DNAH7: variants seen among roughly 807,000 people sequenced by gnomAD.
The protein encoded by DNAH7 is dynein axonemal heavy chain 7, also known as axonemal beta dynein heavy chain 7.
A neutral mutation model predicts 444.6 loss-of-function variants in DNAH7; 397 were observed. That is an observed-to-expected ratio of 0.89 (90% confidence interval 0.82 to 0.97). The LOEUF is 0.97. DNAH7 is among the 50% of genes least tolerant of loss of function. The pLI is 0.00. For synonymous variants in DNAH7, 1,636 were observed against 1,624.4 expected, an observed-to-expected ratio of 1.01 and a Z score of -0.17; for missense variants, 4,902 against 4,800.8, an observed-to-expected ratio of 1.02 and a Z score of -0.62.
At chr2:195,871,078 C>T (rs1053868613) in intron 40 of DNAH7, among the ~76,000 whole-genome samples, 8 of 152,294 alleles carry the variant, frequency 5.3e-5, no homozygotes, top group African/African-American at 1.9e-4. Context: ...TCTACATCAT[C>T]CTTTCCAAAG....
chr2:195,865,275 C>T (rs988607730), intron 40 of DNAH7, among the ~76,000 whole-genome samples: 1 of 152,090 alleles, frequency 6.6e-6, no homozygotes, highest in Non-Finnish European at 1.5e-5. Context: ...GGAGCTGAAG[C>T]AGATGTAGAG....
rs756097042 is a variant in DNAH7, at chr2:195,858,680, T to C, written c.7861A>G (p.Lys2621Glu). The stretch of plus-strand genomic sequence containing the variant: ...ATTATCATCATTTCATCAACCTCTT[T>C]GCTAGCAACTTTTAATTGAGGATGT... ...ALHPQLKVASKEVDEMMIMIE... is the reference protein window; with the variant it reads ...ALHPQLKVASEEVDEMMIMIE... Residue 2621 changes from lysine to glutamate, a missense_variant, in exon 43 of 65, where the codon AAA (lysine) becomes GAA (glutamate). By Grantham distance (56) the Lys-to-Glu change is moderately conservative (BLOSUM62 1). Coordinates refer to ENST00000312428, the MANE Select transcript of DNAH7 (RefSeq NM_018897.3). The C allele has an allele frequency of 1.2e-6, 2 of 1,614,072 alleles. No individual in the cohort carries two copies. The highest frequency in any genetic ancestry group is 2.2e-5 in the South Asian group (2 of 91,084).
At chr2:195,928,254 C>G (rs533510084) in intron 21 of DNAH7, among the ~76,000 whole-genome samples, 1 of 152,220 alleles carries the variant, frequency 6.6e-6, no homozygotes, top group Admixed American at 6.5e-5. Context: ...GGACATGATT[C>G]CATTCTTTTT....
intron 27 of DNAH7, chr2:195,903,187 G>C (rs1258350131): frequency 6.6e-6 from 1 of 151,984 alleles, no homozygotes; most frequent in Non-Finnish European, 1.5e-5. Flanking sequence ...GGTACATAAG[G>C]AAATGTGTAT....
At chr2:195,989,267 G>T (rs1693138617) in intron 12 of DNAH7, among the ~76,000 whole-genome samples, 1 of 152,114 alleles carries the variant, frequency 6.6e-6, no homozygotes, top group Non-Finnish European at 1.5e-5. Context: ...CCTCCTTACT[G>T]TTTTCTATAT....
chr2:195,834,320 G>A lies in DNAH7; in HGVS notation c.8986C>T (p.Gln2996Ter). 2 of 1,604,206 alleles carry A rather than the reference G, an allele frequency of 1.2e-6. No homozygotes were observed. Among genetic ancestry groups the A allele is most frequent in the Non-Finnish European group, 8.5e-7 (1 of 1,172,336 alleles). The stretch of plus-strand genomic sequence containing the variant: ...ATGTTCTTGATCCATTTATTAGCCT[G>A]ACTTTGAGGATCTATCATCAGAGGC... Reference protein sequence around the residue: ...RWPLMIDPQSQANKWIKNMEK... With the variant: ...RWPLMIDPQS Residue 2996 changes from glutamine to a stop codon, truncating the protein, a stop_gained, in exon 48 of 65, where the codon CAG becomes TAG. Transcript: ENST00000312428. LOFTEE classifies it high-confidence loss of function.
chr2:196,030,292 TATG>T (rs1348843347), intron 5 of DNAH7, among the ~76,000 whole-genome samples: 2 of 152,142 alleles, frequency 1.3e-5, no homozygotes, highest in African/African-American at 4.8e-5. Flanking sequence ...ATAGGAATAA[TATG>T]GGAGAAACCA....
chr2:195,954,791 T>G (rs958109119), intron 19 of DNAH7, among the ~76,000 whole-genome samples: 11 of 152,370 alleles, frequency 7.2e-5, no homozygotes, highest in African/African-American at 2.6e-4. Context: ...ATGATGAGCA[T>G]TTTTTCATGT....
chr2:196,011,348 T>A (rs922146874), intron 10 of DNAH7, among the ~76,000 whole-genome samples: 9 of 151,872 alleles, frequency 5.9e-5, no homozygotes, highest in Non-Finnish European at 1.2e-4. Context: ...GAAGACAAAA[T>A]CTTGAGGCAG....
intron 44 of DNAH7, 58 bp from the exon 45 acceptor site, chr2:195,856,049 A>G: frequency 2.7e-6 from 4 of 1,493,672 alleles, no homozygotes; most frequent in Non-Finnish European, 3.6e-6. Flanking sequence ...TACACTTTCT[A>G]TCACTGAATT....
At chr2:196,051,661 G>T (rs1362662258) in intron 2 of DNAH7, among the ~76,000 whole-genome samples, 1 of 152,066 alleles carries the variant, frequency 6.6e-6, no homozygotes, top group East Asian at 1.9e-4. Context: ...CAGCTACTTG[G>T]GAGACTGAGG....
intron 12 of DNAH7, among the ~76,000 whole-genome samples, chr2:195,998,588 T>C (rs1693847476): frequency 6.6e-6 from 1 of 151,848 alleles, no homozygotes. Flanking sequence ...AAAAAGTTAC[T>C]TTTCTTCACT....
At chr2:195,891,865 A>C (rs142895472) in intron 30 of DNAH7, 61 bp from the exon 31 acceptor site, 1 of 1,294,258 alleles carries the variant, frequency 7.7e-7, no homozygotes, top group East Asian at 2.7e-5. Flanking sequence ...CATAGAAAAC[A>C]TTATTGCACA....
At chr2:195,778,820 T>C (rs998619639) in intron 58 of DNAH7, among the ~76,000 whole-genome samples, 6 of 146,326 alleles carry the variant, frequency 4.1e-5, no homozygotes, top group Non-Finnish European at 7.5e-5. Context: ...TTGAATCATA[T>C]ATATACATAT....
At chr2:196,062,530 C>T (rs1483342356) in intron 1 of DNAH7, among the ~76,000 whole-genome samples, 1 of 152,156 alleles carries the variant, frequency 6.6e-6, no homozygotes, top group African/African-American at 2.4e-5. Flanking sequence ...TTGTAATGAC[C>T]TATCTCCAGA....
chr2:195,792,099 G>A (rs1212550163), intron 57 of DNAH7, among the ~76,000 whole-genome samples: 1 of 150,032 alleles, frequency 6.7e-6, no homozygotes, highest in African/African-American at 2.5e-5. Context: ...CCCAAGAGGT[G>A]GAGGTTGCAG....
chr2:195,877,097 A>ATTTC (rs1386030158), intron 36 of DNAH7, among the ~76,000 whole-genome samples: 1 of 152,234 alleles, frequency 6.6e-6, no homozygotes, highest in East Asian at 1.9e-4. Context: ...TCTGTAAGTT[A>ATTTC]GAAAGCTTAA....
chr2:195,868,208 G>A (rs1048868315), intron 40 of DNAH7, among the ~76,000 whole-genome samples: 5 of 146,136 alleles, frequency 3.4e-5, no homozygotes. Flanking sequence ...CCATTCTCCT[G>A]CCTCAGCCTC....
intron 55 of DNAH7, 111 bp downstream of exon 55, chr2:195,799,185 T>G (rs759200111): frequency 5.1e-5 from 50 of 973,478 alleles, no homozygotes; most frequent in Non-Finnish European, 6.4e-5. Context: ...GTGATAACTT[T>G]CAAAGGTTGA....
Sources: gnomAD v4.1 joint callset for allele counts (sites outside exome capture counted in the v4.1 genomes callset) on GRCh38, gnomAD v4.1.1 for gene constraint, MANE v1.5 for transcripts, NCBI Gene and HGNC (gene_info 2026-07-23, HGNC 2026-07-21) for gene names.